Variants in FBXL17 observed in about 807,000 individuals in gnomAD.
FBXL17 encodes the protein F-box and leucine rich repeat protein 17, also known as F-box/LRR-repeat protein 17.
In FBXL17, 22 loss-of-function variants were observed where a neutral mutation model predicts 66.2. The observed-to-expected ratio is 0.33, with a 90% CI of 0.24 to 0.47. FBXL17 has a LOEUF of 0.47. Ranked by LOEUF, FBXL17 falls within the 20% of genes least tolerant of loss-of-function variation. FBXL17 has a pLI of 1.00. For synonymous variants in FBXL17, 474 were observed against 400.5 expected (o/e 1.18, Z -2.19); for missense variants, 878 against 948.2 (o/e 0.93, Z 0.97).
intron 4 of FBXL17, among the ~76,000 whole-genome samples, chr5:108,312,046 T>A (rs1759144985): frequency 6.6e-6 from 1 of 152,168 alleles, no homozygotes; most frequent in Non-Finnish European, 1.5e-5. Flanking sequence ...AAGACAGAAA[T>A]GTGTCTTTGA....
intron 7 of FBXL17, among the ~76,000 whole-genome samples, chr5:107,949,079 A>G (rs1751409194): frequency 6.6e-6 from 1 of 152,076 alleles, no homozygotes. Context: ...AAAATGGCTT[A>G]GGGCATTTTC....
intron 4 of FBXL17, among the ~76,000 whole-genome samples, chr5:108,305,365 A>G (rs1758788634): frequency 6.6e-6 from 1 of 151,954 alleles, no homozygotes; most frequent in Non-Finnish European, 1.5e-5. Context: ...TAGCTAATGG[A>G]TGCTGGACTT....
At chr5:107,918,988 G>A (rs1409577013) in intron 7 of FBXL17, among the ~76,000 whole-genome samples, 1 of 152,182 alleles carries the variant, frequency 6.6e-6, no homozygotes, top group Non-Finnish European at 1.5e-5. Context: ...GCTGTGTGAT[G>A]AACCTGGGTG....
At chr5:108,116,889 G>A (rs1336869764) in intron 6 of FBXL17, among the ~76,000 whole-genome samples, 1 of 151,758 alleles carries the variant, frequency 6.6e-6, no homozygotes, top group Non-Finnish European at 1.5e-5. Context: ...TGCCCTATAG[G>A]TAGGTGACTC....
chr5:108,061,296 A>T (rs1221820996), intron 6 of FBXL17, among the ~76,000 whole-genome samples: 1 of 137,964 alleles, frequency 7.2e-6, no homozygotes, highest in Non-Finnish European at 1.5e-5. Context: ...CAAAAAAAAG[A>T]AAAAAAAAAT....
At chr5:108,077,609 G>A (rs1748601421) in intron 6 of FBXL17, among the ~76,000 whole-genome samples, 1 of 150,504 alleles carries the variant, frequency 6.6e-6, no homozygotes, top group South Asian at 2.1e-4. Flanking sequence ...GATGCAGTGA[G>A]CCATGTTCAT....
chr5:108,158,895 C>T (rs1554070527), intron 6 of FBXL17, among the ~76,000 whole-genome samples: 2 of 151,882 alleles, frequency 1.3e-5, no homozygotes, highest in Non-Finnish European at 2.9e-5. Flanking sequence ...CTTGATGAGT[C>T]TTTTTGGTTT....
At chr5:107,875,172 G>A (rs2064657753) in intron 8 of FBXL17, among the ~76,000 whole-genome samples, 1 of 149,648 alleles carries the variant, frequency 6.7e-6, no homozygotes, top group African/African-American at 2.5e-5. Flanking sequence ...TTTTGGCTAT[G>A]GGCAACCTGG....
At chr5:108,218,375 C>T (rs910293322) in intron 5 of FBXL17, among the ~76,000 whole-genome samples, 2 of 152,116 alleles carry the variant, frequency 1.3e-5, no homozygotes, top group African/African-American at 4.8e-5. Context: ...GTGAATAGTG[C>T]TGCAATGAAA....
At chr5:108,009,274 T>G (rs58453805) in intron 7 of FBXL17, among the ~76,000 whole-genome samples, 4 of 45,782 alleles carry the variant, frequency 8.7e-5, no homozygotes, top group African/African-American at 3.4e-4. Context: ...TATATATATA[T>G]ATATATATAT....
chr5:108,236,527 A>T (rs954850584), intron 4 of FBXL17, among the ~76,000 whole-genome samples: 1 of 151,624 alleles, frequency 6.6e-6, no homozygotes, highest in Non-Finnish European at 1.5e-5. Flanking sequence ...AAAAAAACCA[A>T]CAACAACAAC....
chr5:108,157,571 CTTTGA>C (rs1752043580), intron 6 of FBXL17, among the ~76,000 whole-genome samples: 1 of 149,990 alleles, frequency 6.7e-6, no homozygotes, highest in African/African-American at 2.5e-5. Context: ...GTGAAATGAA[CTTTGA>C]TTTTTCTTTA....
At chr5:108,315,422 C>A (rs957916960) in intron 4 of FBXL17, among the ~76,000 whole-genome samples, 9 of 151,108 alleles carry the variant, frequency 6.0e-5, no homozygotes, top group Admixed American at 4.6e-4. Context: ...AGTGAAAGTG[C>A]AATCAATACA....
chr5:108,189,305 AT>A, intron 5 of FBXL17, among the ~76,000 whole-genome samples: 1 of 123,616 alleles, frequency 8.1e-6, no homozygotes, highest in Non-Finnish European at 1.7e-5. Flanking sequence ...ATGGGATGGG[AT>A]GGGATGGGAT....
At chr5:108,305,020 T>C (rs369001337) in intron 4 of FBXL17, among the ~76,000 whole-genome samples, 183 of 152,144 alleles carry the variant, frequency 1.2e-3, no homozygotes, top group African/African-American at 4.3e-3. Flanking sequence ...CTTTTTGAGC[T>C]TCTATTTCTC....
At chr5:108,083,218 AACACACACACACACAC>A (rs756726228) in intron 6 of FBXL17, among the ~76,000 whole-genome samples, 1 of 144,498 alleles carries the variant, frequency 6.9e-6, no homozygotes. Flanking sequence ...CTCACCTCAG[AACACACACACACACAC>A]ACACACACAC....
chr5:107,893,684 T>TG (rs1490442587), intron 7 of FBXL17, among the ~76,000 whole-genome samples: 5 of 152,202 alleles, frequency 3.3e-5, no homozygotes, highest in Non-Finnish European at 5.9e-5. Context: ...CAAGTGATTT[T>TG]GATACATAGC....
chr5:108,380,387 A>T (rs942462419), intron 1 of FBXL17, among the ~76,000 whole-genome samples: 2 of 152,156 alleles, frequency 1.3e-5, no homozygotes, highest in African/African-American at 4.8e-5. Flanking sequence ...TCGATTAAAA[A>T]ATTTTTTTTT....
intron 5 of FBXL17, among the ~76,000 whole-genome samples, chr5:108,199,850 T>G (rs1356394190): frequency 6.6e-6 from 1 of 152,012 alleles, no homozygotes; most frequent in Non-Finnish European, 1.5e-5. Context: ...CAAAGGAAAT[T>G]TCATTAAGGG....
Sources: gnomAD v4.1 joint callset for allele counts (sites outside exome capture counted in the v4.1 genomes callset) on GRCh38, gnomAD v4.1.1 for gene constraint, MANE v1.5 for transcripts, NCBI Gene and HGNC (gene_info 2026-07-23, HGNC 2026-07-21) for gene names.